SHROOM4: variants seen among roughly 807,000 people sequenced by gnomAD.
SHROOM4 encodes shroom family member 4.
SHROOM4 carries 17 observed loss-of-function variants against 80.3 expected under a neutral mutation model. That is an observed-to-expected ratio of 0.21 (90% CI 0.14 to 0.32). SHROOM4 has a LOEUF of 0.32. Among genes scored for constraint, SHROOM4 ranks in the 10% least tolerant of loss-of-function variants. The pLI is 1.00. For synonymous variants in SHROOM4, 400 were observed against 437.5 expected (o/e 0.91, Z 1.07); for missense variants, 993 against 1,140.3 (o/e 0.87, Z 1.86).
intron 5 of SHROOM4, among the ~76,000 whole-genome samples, chrX:50,611,053 T>C (rs1479575201): frequency 2.7e-5 from 3 of 110,800 alleles, no homozygotes; most frequent in Non-Finnish European, 3.8e-5. Flanking sequence ...TAATTGGCTA[T>C]ATACTGAGCC....
intron 1 of SHROOM4, among the ~76,000 whole-genome samples, chrX:50,721,921 G>A (rs1934122244): frequency 9.0e-6 from 1 of 110,838 alleles, no homozygotes; most frequent in Non-Finnish European, 1.9e-5. Flanking sequence ...TGGCAGCTTT[G>A]TGGCTCCCCT....
At chrX:50,716,450 A>G (rs140602534) in intron 1 of SHROOM4, among the ~76,000 whole-genome samples, 39 of 111,909 alleles carry the variant, frequency 3.5e-4, no homozygotes, top group African/African-American at 1.2e-3. Context: ...ATCCTGTTGT[A>G]CACCATAAAT....
At chrX:50,690,981 C>T (rs987574700) in intron 2 of SHROOM4, among the ~76,000 whole-genome samples, 2 of 112,447 alleles carry the variant, frequency 1.8e-5, no homozygotes, top group Admixed American at 9.4e-5. Context: ...AAAGAGTTTG[C>T]AAAGCTTTTC....
In SHROOM4 at chrX:50,589,879, A is replaced by G. The variant is rs1928831991; in HGVS notation, c.*6816T>C. On this transcript the variant is annotated 3_prime_UTR_variant, in exon 9 of 9. Transcript: ENST00000376020. ...GCTGTTTTTCAATGAGGTTGCATCA[A>G]TTTACATCCCCATCAGCAATGTATG... 3.6e-5 allele frequency among the ~76,000 whole-genome samples: 4 copies of G among 112,238 alleles called. No homozygotes were observed. In the South Asian group the frequency reaches 1.5e-3, roughly 42 times the overall value.
At chrX:50,781,015 T>C (rs2147674686) in intron 1 of SHROOM4, among the ~76,000 whole-genome samples, 1 of 111,195 alleles carries the variant, frequency 9.0e-6, no homozygotes, top group South Asian at 3.9e-4. Flanking sequence ...CCAGTCTGAG[T>C]CTGAAGGCCT....
intron 1 of SHROOM4, among the ~76,000 whole-genome samples, chrX:50,742,115 G>C (rs1557267251): frequency 1.8e-5 from 2 of 109,679 alleles, no homozygotes; most frequent in African/African-American, 6.6e-5. Context: ...ATTACTCTCT[G>C]GTTTCATTTC....
Position 50,761,751 on chromosome X carries a change from G to A in SHROOM4, c.117+52151C>T, listed in dbSNP as rs1935162936. ...CTTTTTTGTATTTTTAGTAGAGACG[G>A]GGTTTCACCATGTTGGCCAGGCTAG... On this transcript the variant is annotated intron_variant, in intron 1 of 8. Transcript: ENST00000376020. Among the ~76,000 whole-genome samples the A allele has an allele frequency of 2.7e-5, 3 of 110,718 alleles. No individual in the cohort carries two copies. The Admixed American group carries it at 2.9e-4, about 11-fold the overall frequency.
chrX:50,756,292 G>T (rs1236008826), intron 1 of SHROOM4, among the ~76,000 whole-genome samples: 1 of 111,825 alleles, frequency 8.9e-6, no homozygotes, highest in East Asian at 2.8e-4. Flanking sequence ...TGTTTTTGAG[G>T]TTCATTCATA....
rs181793677 is a variant in SHROOM4 at position 50,693,116 on chromosome X, G to A, written c.269+2670C>T. On this transcript the variant is annotated intron_variant, in intron 2 of 8. Transcript: ENST00000376020. ...AAATAAATTGAAGCTATAGGGCTGG[G>A]TGAGATTTTCCAGGGTACATTAAGT... is the stretch of plus-strand genomic sequence containing the variant. 2.4e-3 allele frequency among the ~76,000 whole-genome samples: 269 copies of A among 111,453 alleles called. 2 individuals carry two copies. Among genetic ancestry groups the A allele is most frequent in the African/African-American group, 8.5e-3 (262 of 30,644 alleles).
chrX:50,658,236 C>T (rs1451940164), intron 2 of SHROOM4, among the ~76,000 whole-genome samples: 1 of 111,375 alleles, frequency 9.0e-6, no homozygotes, highest in Admixed American at 9.6e-5. Flanking sequence ...GTTGTGGTAG[C>T]ATAAACGAAC....
At chrX:50,788,667 T>G in intron 1 of SHROOM4, among the ~76,000 whole-genome samples, 1 of 110,837 alleles carries the variant, frequency 9.0e-6, no homozygotes, top group East Asian at 2.8e-4. Flanking sequence ...CAATACTAAG[T>G]TCTTCTCTAT....
chrX:50,706,893 G>C (rs1310738880), intron 1 of SHROOM4, among the ~76,000 whole-genome samples: 1 of 111,712 alleles, frequency 9.0e-6, no homozygotes, highest in Non-Finnish European at 1.9e-5. Context: ...CTTGTATCCA[G>C]ATATGATTCT....
At chrX:50,666,997 C>T (rs1932712454) in intron 2 of SHROOM4, among the ~76,000 whole-genome samples, 1 of 111,973 alleles carries the variant, frequency 8.9e-6, no homozygotes, top group African/African-American at 3.2e-5. Flanking sequence ...GAGCCAGAGA[C>T]AATCATTTTT....
At chrX:50,682,246 T>C (rs1167972624) in intron 2 of SHROOM4, among the ~76,000 whole-genome samples, 2 of 112,016 alleles carry the variant, frequency 1.8e-5, no homozygotes, top group African/African-American at 6.5e-5. Flanking sequence ...TCAATCCAAT[T>C]TGGCAAGAAA....
Position 50,634,510 on chromosome X carries a change from T to C in SHROOM4, c.1563A>G (p.Glu521=), listed in dbSNP as rs1931237272. The part of the protein sequence containing the change: ...DPNRTSRAAS[E]LANQQPSASG... ...AGGCAGAGGGTTGCTGGTTGGCCAA[T>C]TCACTGGCTGCTCTGCTTGTTCTGT... is the stretch of plus-strand genomic sequence containing the variant. The change falls in exon 4 of 9, where the codon GAA becomes GAG. Residue 521 remains glutamate (E), a synonymous_variant. Coordinates refer to ENST00000376020, the MANE Select transcript of SHROOM4 (RefSeq NM_020717.5). 6 of 1,211,733 alleles carry C rather than the reference T, an allele frequency of 5.0e-6. No homozygotes were observed. The highest frequency in any genetic ancestry group is 1.7e-5 in the African/African-American group (1 of 57,782).
chrX:50,616,607 T>A (rs1299517870), intron 5 of SHROOM4, among the ~76,000 whole-genome samples: 1 of 111,646 alleles, frequency 9.0e-6, no homozygotes, highest in Non-Finnish European at 1.9e-5. Context: ...TCAAAGTGGC[T>A]CCTCATTAGA....
intron 1 of SHROOM4, among the ~76,000 whole-genome samples, chrX:50,813,224 G>A (rs1936386510): frequency 9.0e-6 from 1 of 111,074 alleles, no homozygotes; most frequent in Non-Finnish European, 1.9e-5. Flanking sequence ...CAGCACAGCT[G>A]CGCTCCATGG....
intron 1 of SHROOM4, among the ~76,000 whole-genome samples, chrX:50,727,256 G>T (rs1194701329): frequency 8.9e-6 from 1 of 112,638 alleles, no homozygotes; most frequent in Admixed American, 9.3e-5. Flanking sequence ...GCTTGTTTTT[G>T]ATTTTACAGG....
intron 4 of SHROOM4, 109 bp downstream of exon 4, chrX:50,633,069 G>A: frequency 2.5e-6 from 2 of 802,447 alleles, no homozygotes; most frequent in Admixed American, 2.7e-5. Flanking sequence ...TGAAGCCAGT[G>A]CTGTACAGTT....
Sources: gnomAD v4.1 joint callset for allele counts (sites outside exome capture counted in the v4.1 genomes callset) on GRCh38, gnomAD v4.1.1 for gene constraint, MANE v1.5 for transcripts, NCBI Gene and HGNC (gene_info 2026-07-23, HGNC 2026-07-21) for gene names.